HS3ST5: variants seen among roughly 807,000 people sequenced by gnomAD.
The protein encoded by HS3ST5 is heparan sulfate-glucosamine 3-sulfotransferase 5.
Under a neutral mutation model 25.4 loss-of-function variants are expected in HS3ST5, and 10 were observed. That is an observed-to-expected ratio of 0.39 (90% CI 0.24 to 0.67). The LOEUF (loss-of-function observed/expected upper bound fraction) is 0.67, where lower values mean the gene tolerates loss of function less well. Ranked by LOEUF, HS3ST5 falls within the 30% of genes least tolerant of loss-of-function variation. The probability of loss-of-function intolerance (pLI) is 0.44; values close to 1 mark genes in which losing one functional copy is unlikely to be tolerated. For synonymous variants in HS3ST5, 170 were observed against 162.4 expected (o/e 1.05, Z -0.36); for missense variants, 324 against 420.7 (o/e 0.77, Z 2.01).
intron 3 of HS3ST5, among the ~76,000 whole-genome samples, chr6:114,113,084 G>A (rs1215907924): frequency 6.6e-6 from 1 of 152,036 alleles, no homozygotes; most frequent in Non-Finnish European, 1.5e-5. Flanking sequence ...ATATCCAAAG[G>A]CACTGGTAAT....
chr6:114,099,782 T>C (rs1294858426), intron 3 of HS3ST5, among the ~76,000 whole-genome samples: 4 of 152,146 alleles, frequency 2.6e-5, no homozygotes, highest in East Asian at 1.9e-4. Context: ...TTAGCGTCCA[T>C]GCTTTATCCC....
At chr6:114,125,484 C>T (rs1403666305) in intron 3 of HS3ST5, among the ~76,000 whole-genome samples, 1 of 152,068 alleles carries the variant, frequency 6.6e-6, no homozygotes, top group Non-Finnish European at 1.5e-5. Context: ...AAATTTTTAT[C>T]TTTTTTATGA....
chr6:114,089,009 T>C (rs1364343505), intron 3 of HS3ST5: 1 of 152,260 alleles, frequency 6.6e-6, no homozygotes, highest in Non-Finnish European at 1.5e-5. Flanking sequence ...TATACTGCTC[T>C]GTCTCCTGTG....
chr6:114,277,187 C>A (rs1427119627), intron 1 of HS3ST5, among the ~76,000 whole-genome samples: 1 of 150,424 alleles, frequency 6.6e-6, no homozygotes, highest in Non-Finnish European at 1.5e-5. Context: ...ACTTCCTCCT[C>A]TATAAGGATG....
At chr6:114,099,062 T>C (rs560359928) in intron 3 of HS3ST5, among the ~76,000 whole-genome samples, 4 of 152,242 alleles carry the variant, frequency 2.6e-5, no homozygotes, top group African/African-American at 9.6e-5. Context: ...AGAGCTGGTC[T>C]AGAACTCCTG....
intron 1 of HS3ST5, among the ~76,000 whole-genome samples, chr6:114,278,243 C>G (rs1265473599): frequency 1.3e-5 from 2 of 151,992 alleles, no homozygotes; most frequent in Non-Finnish European, 1.5e-5. Context: ...ATGTCAAAAT[C>G]AATAGAAATC....
chr6:114,203,149 G>A (rs1462523667), intron 2 of HS3ST5, among the ~76,000 whole-genome samples: 1 of 152,198 alleles, frequency 6.6e-6, no homozygotes, highest in African/African-American at 2.4e-5. Flanking sequence ...GGGGCCAAGG[G>A]AAACCTCCCC....
intron 3 of HS3ST5, among the ~76,000 whole-genome samples, chr6:114,064,588 A>G (rs1773338711): frequency 6.6e-6 from 1 of 152,206 alleles, no homozygotes; most frequent in African/African-American, 2.4e-5. Context: ...CAGTTGACAA[A>G]TACTTATGGA....
chr6:114,298,203 A>G (rs1384347634), intron 1 of HS3ST5, among the ~76,000 whole-genome samples: 1 of 152,232 alleles, frequency 6.6e-6, no homozygotes, highest in African/African-American at 2.4e-5. Flanking sequence ...TTAGTAAAAT[A>G]GAAATATATA....
intron 3 of HS3ST5, among the ~76,000 whole-genome samples, chr6:114,102,675 A>G (rs1775791986): frequency 1.3e-5 from 2 of 152,184 alleles, no homozygotes. Flanking sequence ...TTGTTTGCCT[A>G]TGCCAAAAAT....
At chr6:114,334,080 G>A (rs1562279095) in intron 1 of HS3ST5, among the ~76,000 whole-genome samples, 1 of 152,118 alleles carries the variant, frequency 6.6e-6, no homozygotes, top group Non-Finnish European at 1.5e-5. Flanking sequence ...CCACACTAAG[G>A]AGCTCTGTGT....
intron 2 of HS3ST5, among the ~76,000 whole-genome samples, chr6:114,209,214 T>C (rs1781404754): frequency 6.6e-6 from 1 of 152,180 alleles, no homozygotes; most frequent in Admixed American, 6.5e-5. Context: ...GTCAATTCAA[T>C]TCAATTAAGC....
At chr6:114,289,916 TATAATAGTATTGTAC>T (rs1450160538) in intron 1 of HS3ST5, among the ~76,000 whole-genome samples, 1 of 152,160 alleles carries the variant, frequency 6.6e-6, no homozygotes, top group Non-Finnish European at 1.5e-5. Flanking sequence ...CAATGGGTTA[TATAATAGTATTGTAC>T]TTCAAATGAA....
chr6:114,322,188 C>T (rs182363973), intron 1 of HS3ST5, among the ~76,000 whole-genome samples: 87 of 152,192 alleles, frequency 5.7e-4, no homozygotes, highest in Non-Finnish European at 1.5e-4. Flanking sequence ...GTATTTCCTG[C>T]GCAACTGAAA....
chr6:114,092,038 C>T (rs1030344906), intron 3 of HS3ST5, among the ~76,000 whole-genome samples: 1 of 152,150 alleles, frequency 6.6e-6, no homozygotes, highest in Non-Finnish European at 1.5e-5. Flanking sequence ...TTTATCTCTT[C>T]GTTTTTCCAA....
chr6:114,085,426 C>G (rs1259520880), intron 3 of HS3ST5, among the ~76,000 whole-genome samples: 1 of 152,142 alleles, frequency 6.6e-6, no homozygotes, highest in Non-Finnish European at 1.5e-5. Flanking sequence ...GATTATGAAT[C>G]CTCAGAGAAT....
intron 3 of HS3ST5, among the ~76,000 whole-genome samples, chr6:114,093,358 TGTGTGTGTGTGTGTGTG>T (rs1562194048): frequency 1.0e-4 from 7 of 69,068 alleles, no homozygotes; most frequent in South Asian, 4.1e-4. Flanking sequence ...TTTGTTTGTG[TGTGTGTGTGTGTGTGTG>T]TGTGTGTGTG....
At chr6:114,319,815 T>C (rs1437015936) in intron 1 of HS3ST5, among the ~76,000 whole-genome samples, 5 of 152,142 alleles carry the variant, frequency 3.3e-5, no homozygotes, top group Non-Finnish European at 5.9e-5. Context: ...CTTTATTCCT[T>C]TGCATACATG....
chr6:114,229,134 A>G (rs1430461578), intron 1 of HS3ST5, among the ~76,000 whole-genome samples: 2 of 152,168 alleles, frequency 1.3e-5, no homozygotes, highest in African/African-American at 4.8e-5. Flanking sequence ...ATGAGGCTCT[A>G]TCACCCCCGT....
Sources: allele counts gnomAD v4.1 joint callset (sites outside exome capture counted in the v4.1 genomes callset), GRCh38; gene constraint gnomAD v4.1.1; transcripts MANE v1.5; gene names NCBI Gene and HGNC (gene_info 2026-07-23, HGNC 2026-07-21).